Variants in ADGRL2 observed in about 807,000 individuals in gnomAD.
ADGRL2 encodes calcium-independent alpha-latrotoxin receptor 2.
A neutral mutation model predicts 157.4 loss-of-function variants in ADGRL2; 44 were observed. The observed-to-expected ratio is 0.28, with a 90% CI of 0.22 to 0.36. ADGRL2 has a LOEUF of 0.36. Among genes scored for constraint, ADGRL2 ranks in the 10% least tolerant of loss-of-function variants. The pLI is 1.00. For synonymous variants in ADGRL2, 585 were observed against 624.7 expected (o/e 0.94, Z 0.95); for missense variants, 1,510 against 1,768.9 (o/e 0.85, Z 2.63).
chr1:81,772,406 T>G (rs553739465), intron 2 of ADGRL2, among the ~76,000 whole-genome samples: 17 of 152,194 alleles, frequency 1.1e-4, no homozygotes, highest in African/African-American at 3.6e-4. Flanking sequence ...ATGACATTTA[T>G]GTACCAAGCT....
chr1:81,633,630 C>T (rs758695409), intron 3 of ADGRL2, among the ~76,000 whole-genome samples: 6 of 150,124 alleles, frequency 4.0e-5, no homozygotes, highest in Admixed American at 6.6e-5. Flanking sequence ...AGAGAACCAC[C>T]GATTTTCTCT....
chr1:81,375,936 C>G (rs1038437073), intron 1 of ADGRL2, among the ~76,000 whole-genome samples: 14 of 151,860 alleles, frequency 9.2e-5, no homozygotes, highest in African/African-American at 3.4e-4. Flanking sequence ...AACAAAGTAC[C>G]CATATTCGGT....
At chr1:81,659,126 A>G (rs2082599820) in intron 3 of ADGRL2, among the ~76,000 whole-genome samples, 1 of 138,312 alleles carries the variant, frequency 7.2e-6, no homozygotes, top group African/African-American at 2.8e-5. Flanking sequence ...CAATGGCACA[A>G]TTTCAGCTCA....
At chr1:81,844,782 C>T (rs1380499854) in intron 2 of ADGRL2, among the ~76,000 whole-genome samples, 2 of 152,116 alleles carry the variant, frequency 1.3e-5, no homozygotes, top group Non-Finnish European at 2.9e-5. Flanking sequence ...GAAGGGAATA[C>T]GTATCAGCAC....
intron 2 of ADGRL2, among the ~76,000 whole-genome samples, chr1:81,521,134 C>G (rs1273662127): frequency 6.6e-6 from 1 of 152,120 alleles, no homozygotes; most frequent in Non-Finnish European, 1.5e-5. Flanking sequence ...ATCAGTGATT[C>G]AATCAGTGGG....
chr1:81,338,536 T>C (rs1463582977), intron 1 of ADGRL2, among the ~76,000 whole-genome samples: 1 of 152,094 alleles, frequency 6.6e-6, no homozygotes, highest in Non-Finnish European at 1.5e-5. Flanking sequence ...AGAAATTAAG[T>C]GAGTTAACTA....
intron 3 of ADGRL2, among the ~76,000 whole-genome samples, chr1:81,591,456 C>T (rs142720355): frequency 6.6e-6 from 1 of 152,264 alleles, no homozygotes; most frequent in African/African-American, 2.4e-5. Context: ...AGAAGAATGT[C>T]TCTTTAAATG....
chr1:81,905,678 A>G (rs953868345), intron 2 of ADGRL2, among the ~76,000 whole-genome samples: 5 of 152,306 alleles, frequency 3.3e-5, no homozygotes, highest in East Asian at 1.9e-4. Flanking sequence ...ATGTGTTCCA[A>G]TATTCCTAGC....
intron 1 of ADGRL2, among the ~76,000 whole-genome samples, chr1:81,353,019 A>T (rs1201142844): frequency 2.0e-5 from 3 of 152,200 alleles, no homozygotes; most frequent in Non-Finnish European, 4.4e-5. Context: ...GGAGGTAATA[A>T]TATCTAATGT....
Position 81,532,563 on chromosome 1 carries a change from A to G in ADGRL2, c.-247-48313A>G, listed in dbSNP as rs116473706. ...GCTGAACAAAAACCAAATTTATCAT[A>G]TAATTTAGTGGTCATTTTTTTATCA... On this transcript the variant is annotated intron_variant, in intron 2 of 24. Transcript: ENST00000370721. Among the ~76,000 whole-genome samples the G allele has an allele frequency of 4.5e-3, 678 of 151,164 alleles. 4 individuals are homozygous for G. The highest frequency in any genetic ancestry group is 0.015 in the African/African-American group (619 of 41,170).
intron 1 of ADGRL2, among the ~76,000 whole-genome samples, chr1:81,336,892 T>A (rs1661681533): frequency 6.6e-6 from 1 of 151,730 alleles, no homozygotes; most frequent in African/African-American, 2.4e-5. Flanking sequence ...CTTGTACCCA[T>A]GAAAACCCCA....
At chr1:81,598,729 T>C (rs1327725965) in intron 3 of ADGRL2, among the ~76,000 whole-genome samples, 1 of 152,232 alleles carries the variant, frequency 6.6e-6, no homozygotes, top group Admixed American at 6.5e-5. Flanking sequence ...ATGTTATCGC[T>C]AAACAGCCTC....
rs114003769 is a variant in ADGRL2 at position 81,608,035 on chromosome 1, C to A, written c.-143+27055C>A. 4.8e-3 allele frequency among the ~76,000 whole-genome samples: 734 copies of A among 152,258 alleles called. 8 individuals are homozygous for A. Among genetic ancestry groups the A allele is most frequent in the African/African-American group, 0.016 (683 of 41,558 alleles). On this transcript the variant is annotated intron_variant, in intron 3 of 24. Transcript: ENST00000370721. ...AGGGCCAAGGAAAGGAAGCATTGTGCATGTGTGAGCATTAGGCTGATCTTT... is the reference window on the plus strand; with the variant it reads ...AGGGCCAAGGAAAGGAAGCATTGTGAATGTGTGAGCATTAGGCTGATCTTT...
intron 2 of ADGRL2, among the ~76,000 whole-genome samples, chr1:81,533,150 G>T (rs940624243): frequency 6.6e-6 from 1 of 152,070 alleles, no homozygotes; most frequent in African/African-American, 2.4e-5. Context: ...AGGCCGAGGG[G>T]GGTGGATCAC....
intron 3 of ADGRL2, among the ~76,000 whole-genome samples, chr1:81,910,190 G>A: frequency 6.6e-6 from 1 of 151,310 alleles, no homozygotes; most frequent in East Asian, 2.0e-4. Flanking sequence ...CAGTGGCCAA[G>A]ATCACGCCAC....
intron 1 of ADGRL2, among the ~76,000 whole-genome samples, chr1:81,406,716 G>C (rs963041308): frequency 2.6e-5 from 4 of 152,132 alleles, no homozygotes; most frequent in African/African-American, 9.7e-5. Context: ...TATCCTCTCA[G>C]TAGTAGATGC....
At chr1:81,801,425 C>T (rs1249465653) in intron 1 of ADGRL2, among the ~76,000 whole-genome samples, 2 of 152,306 alleles carry the variant, frequency 1.3e-5, no homozygotes. Flanking sequence ...CTCTCTCTCT[C>T]CCTCTCGCTC....
chr1:81,351,451 C>T (rs1018086301), intron 1 of ADGRL2, among the ~76,000 whole-genome samples: 1 of 151,986 alleles, frequency 6.6e-6, no homozygotes, highest in Non-Finnish European at 1.5e-5. Flanking sequence ...GAATCTCTTA[C>T]ATGTATTATG....
chr1:81,482,782 C>T (rs1218291248), intron 2 of ADGRL2, among the ~76,000 whole-genome samples: 1 of 151,568 alleles, frequency 6.6e-6, no homozygotes, highest in Non-Finnish European at 1.5e-5. Flanking sequence ...TTCACTAAAA[C>T]AGTATCTATC....
Sources: gnomAD v4.1 joint callset for allele counts (sites outside exome capture counted in the v4.1 genomes callset) on GRCh38, gnomAD v4.1.1 for gene constraint, MANE v1.5 for transcripts, NCBI Gene and HGNC (gene_info 2026-07-23, HGNC 2026-07-21) for gene names.